Variants in RNLS observed in about 807,000 individuals in gnomAD.
RNLS encodes renalase, FAD dependent amine oxidase, also known as renalase.
RNLS carries 39 observed loss-of-function variants against 39.8 expected under a neutral mutation model. The observed-to-expected ratio is 0.98, with a 90% CI of 0.76 to 1.28. RNLS has a LOEUF of 1.28. Among genes scored for constraint, RNLS ranks in the 50% most tolerant of loss-of-function variants. RNLS has a pLI of 0.00. For synonymous variants in RNLS, 147 were observed against 150.7 expected (o/e 0.98, Z 0.18); for missense variants, 410 against 413.3 (o/e 0.99, Z 0.07).
chr10:88,565,288 T>A (rs1849426580), intron 4 of RNLS, among the ~76,000 whole-genome samples: 1 of 152,154 alleles, frequency 6.6e-6, no homozygotes, highest in Admixed American at 6.5e-5. Context: ...GATGGCAATA[T>A]ATGGCTTTGT....
At chr10:88,555,852 G>A (rs1457156248) in intron 4 of RNLS, among the ~76,000 whole-genome samples, 1 of 151,924 alleles carries the variant, frequency 6.6e-6, no homozygotes, top group Non-Finnish European at 1.5e-5. Flanking sequence ...TCTTTCTTGG[G>A]GTTCCTCTTA....
At chr10:88,205,239 T>C in the RNLS span, among the ~76,000 whole-genome samples, 1 of 152,066 alleles carries the variant, frequency 6.6e-6, no homozygotes, top group African/African-American at 2.4e-5. Context: ...TAGCAAAAAG[T>C]AAACTAAAAT....
chr10:88,283,927 TAACA>T (rs1196637664), downstream of RNLS, among the ~76,000 whole-genome samples: 1 of 152,118 alleles, frequency 6.6e-6, no homozygotes. Flanking sequence ...TTTACCTATA[TAACA>T]AACCTGTATA....
chr10:88,463,312 G>C (rs1843030040), intron 4 of RNLS, among the ~76,000 whole-genome samples: 1 of 152,016 alleles, frequency 6.6e-6, no homozygotes, highest in Non-Finnish European at 1.5e-5. Context: ...AAATGCAGAA[G>C]TTATAGTCAT....
intron 4 of RNLS, among the ~76,000 whole-genome samples, chr10:88,423,851 T>TCCACTA: frequency 6.6e-6 from 1 of 152,340 alleles, no homozygotes; most frequent in East Asian, 1.9e-4. Flanking sequence ...GGAAATACTC[T>TCCACTA]CAGCAATCCA....
intron 5 of RNLS, chr10:88,343,726 C>T: frequency 1.0e-6 from 1 of 985,312 alleles, no homozygotes; most frequent in Non-Finnish European, 1.2e-6. Flanking sequence ...TTTTCTTTGG[C>T]CGACACCTCC....
chr10:88,414,806 T>G (rs1853913758), intron 4 of RNLS, among the ~76,000 whole-genome samples: 1 of 152,214 alleles, frequency 6.6e-6, no homozygotes, highest in South Asian at 2.1e-4. Context: ...GATTATAATT[T>G]GTTCACCAGA....
At chr10:88,214,182 C>T in the RNLS span, among the ~76,000 whole-genome samples, 1 of 152,272 alleles carries the variant, frequency 6.6e-6, no homozygotes, top group Admixed American at 6.5e-5. Context: ...GTAAGTTTCT[C>T]TCTCCAAGAT....
At chr10:88,503,369 A>T (rs1845611190) in intron 4 of RNLS, among the ~76,000 whole-genome samples, 1 of 152,214 alleles carries the variant, frequency 6.6e-6, no homozygotes, top group South Asian at 2.1e-4. Context: ...CAATGAAGTG[A>T]AACTGTTTCA....
At chr10:88,486,227 G>A (rs1270611839) in intron 4 of RNLS, among the ~76,000 whole-genome samples, 1 of 151,834 alleles carries the variant, frequency 6.6e-6, no homozygotes, top group African/African-American at 2.4e-5. Context: ...AACTCAAGAT[G>A]GATTAAAGAC....
intron 4 of RNLS, among the ~76,000 whole-genome samples, chr10:88,566,661 A>G (rs575526093): frequency 2.8e-4 from 43 of 152,304 alleles, no homozygotes; most frequent in African/African-American, 8.4e-4. Flanking sequence ...CATGGATGAC[A>G]TGGAGAAAAG....
rs77521982 is a variant in RNLS, at chr10:88,295,858, A to G, written c.877-10352T>C. Among the ~76,000 whole-genome samples the G allele has an allele frequency of 7.0e-3, 1,063 of 152,302 alleles. 7 individuals are homozygous for G. Among genetic ancestry groups the G allele is most frequent in the East Asian group, 0.032 (168 of 5,180 alleles). ...CATTGACTCTATTTAGATCTATTCTATCTTTTAAAACCCTGAAAACACTGG... is the reference window on the plus strand; with the variant it reads ...CATTGACTCTATTTAGATCTATTCTGTCTTTTAAAACCCTGAAAACACTGG... On this transcript the variant is annotated intron_variant, in intron 6 of 6. Coordinates refer to ENST00000331772, the MANE Select transcript of RNLS (RefSeq NM_001031709.3).
At chr10:88,273,387 A>C (rs1842705258), downstream of RNLS, among the ~76,000 whole-genome samples, 1 of 152,342 alleles carries the variant, frequency 6.6e-6, no homozygotes, top group East Asian at 1.9e-4. Flanking sequence ...AATGCATGTT[A>C]TACTCACTTG....
intron 4 of RNLS, among the ~76,000 whole-genome samples, chr10:88,469,373 G>A (rs186262997): frequency 3.9e-5 from 6 of 152,276 alleles, no homozygotes; most frequent in Admixed American, 3.9e-4. Flanking sequence ...CATTCCTGGG[G>A]ATCTTGACTG....
chr10:88,405,016 A>G (rs778398048), intron 4 of RNLS, among the ~76,000 whole-genome samples: 1 of 152,020 alleles, frequency 6.6e-6, no homozygotes, highest in Non-Finnish European at 1.5e-5. Context: ...ATTACAGAAG[A>G]GAGAATTATA....
At chr10:88,385,625 A>C (rs1391350852) in intron 4 of RNLS, among the ~76,000 whole-genome samples, 1 of 152,200 alleles carries the variant, frequency 6.6e-6, no homozygotes, top group East Asian at 1.9e-4. Flanking sequence ...CCAGATGGGA[A>C]ACCCCAGGTG....
chr10:88,282,487 ACACACACACAC>A (rs1843053429), downstream of RNLS, among the ~76,000 whole-genome samples: 2 of 17,634 alleles, frequency 1.1e-4, no homozygotes, highest in Non-Finnish European at 2.4e-4. Context: ...ATACACACAC[ACACACACACAC>A]ACACACACAC....
intron 4 of RNLS, among the ~76,000 whole-genome samples, chr10:88,388,758 T>G (rs1852016243): frequency 6.6e-6 from 1 of 152,152 alleles, no homozygotes; most frequent in African/African-American, 2.4e-5. Context: ...ATCATCGTCT[T>G]TTTATATGAC....
At chr10:88,203,254 G>A in the RNLS span, among the ~76,000 whole-genome samples, 120 of 15,448 alleles carry the variant, frequency 7.8e-3, 21 homozygotes, top group African/African-American at 0.04. Context: ...GTGTGTGTGT[G>A]TGTGTGTGTG....
Sources: allele counts gnomAD v4.1 joint callset (sites outside exome capture counted in the v4.1 genomes callset), GRCh38; gene constraint gnomAD v4.1.1; transcripts MANE v1.5; gene names NCBI Gene and HGNC (gene_info 2026-07-23, HGNC 2026-07-21).